The following IQCB1 variants were observed in gnomAD, a reference collection of about 807,000 sequenced individuals.
The protein encoded by IQCB1 is IQ motif containing B1, also known as IQ calmodulin-binding motif-containing protein 1.
A neutral mutation model predicts 84.4 loss-of-function variants in IQCB1; 56 were observed. The ratio of observed to expected loss-of-function variants is 0.66; its 90% CI spans 0.54 to 0.83. The LOEUF (loss-of-function observed/expected upper bound fraction) is 0.83. IQCB1 is among the 40% of genes least tolerant of loss of function. The pLI, the probability that IQCB1 is intolerant of heterozygous loss-of-function variation, is 0.00. For missense variants in IQCB1, 629 were observed against 682.1 expected (o/e 0.92, Z 0.87); for synonymous variants, 210 against 234.8 (o/e 0.89, Z 0.96).
intron 5 of IQCB1, among the ~76,000 whole-genome samples, chr3:121,817,653 T>C (rs776089285): frequency 6.6e-6 from 1 of 152,082 alleles, no homozygotes; most frequent in Middle Eastern, 3.4e-3. Flanking sequence ...ACTGTGTCTA[T>C]TCTTTATATA....
At chr3:121,826,994 T>C (rs1449339706) in intron 4 of IQCB1, among the ~76,000 whole-genome samples, 1 of 152,058 alleles carries the variant, frequency 6.6e-6, no homozygotes, top group Non-Finnish European at 1.5e-5. Flanking sequence ...ATGTTAAAAA[T>C]CTAAGTAATC....
chr3:121,799,382 A>G lies in IQCB1; in HGVS notation c.588-8T>C. 7 of 1,498,572 alleles carry G rather than the reference A, an allele frequency of 4.7e-6. No individual in the cohort carries two copies. The highest frequency in any genetic ancestry group is 6.5e-6 in the Non-Finnish European group (7 of 1,082,082). 92.8% of individuals were successfully genotyped at this position (1,498,572 alleles called of 1,614,324 possible). ...ATTCTGAGTAAATCACCACTAATAGAACAAAATAAAAAAAAAAGTACCATT... is the reference window on the plus strand; with the variant it reads ...ATTCTGAGTAAATCACCACTAATAGGACAAAATAAAAAAAAAAGTACCATT... On this transcript the variant is annotated splice_region_variant and splice_polypyrimidine_tract_variant and intron_variant, in intron 7 of 14. Transcript: ENST00000310864.
intron 5 of IQCB1, among the ~76,000 whole-genome samples, chr3:121,822,197 C>T (rs1950298230): frequency 6.6e-6 from 1 of 152,222 alleles, no homozygotes; most frequent in South Asian, 2.1e-4. Context: ...CTCTAGCTTA[C>T]CAACTGCAAA....
intron 10 of IQCB1, among the ~76,000 whole-genome samples, chr3:121,794,861 AT>A (rs1949117465): frequency 6.6e-6 from 1 of 152,170 alleles, no homozygotes; most frequent in Non-Finnish European, 1.5e-5. Context: ...GTTAGGCTGC[AT>A]GAAAAAGTCA....
At chr3:121,786,215 G>GAGAA (rs59609336) in intron 12 of IQCB1, among the ~76,000 whole-genome samples, 3 of 147,192 alleles carry the variant, frequency 2.0e-5, no homozygotes, top group African/African-American at 5.1e-5. Flanking sequence ...GAAAAGAAAA[G>GAGAA]GATGCTTTAA....
chr3:121,781,463 T>C (rs553965205), intron 13 of IQCB1, among the ~76,000 whole-genome samples: 2 of 152,270 alleles, frequency 1.3e-5, no homozygotes, highest in African/African-American at 2.4e-5. Context: ...TACAGTACTA[T>C]TGCAAAAGAA....
At chr3:121,806,586 C>T (rs1168436350) in intron 7 of IQCB1, among the ~76,000 whole-genome samples, 1 of 152,024 alleles carries the variant, frequency 6.6e-6, no homozygotes. Context: ...CTTTCTCTTT[C>T]TCCTCTTCCT....
intron 2 of IQCB1, among the ~76,000 whole-genome samples, chr3:121,830,052 C>CA (rs900928212): frequency 1.3e-5 from 2 of 151,812 alleles, no homozygotes; most frequent in Non-Finnish European, 2.9e-5. Flanking sequence ...ACTAAGAATA[C>CA]AAAAAATCAG....
intron 5 of IQCB1, among the ~76,000 whole-genome samples, chr3:121,812,089 ATAT>A (rs1949852543): frequency 1.3e-5 from 2 of 152,192 alleles, no homozygotes; most frequent in African/African-American, 4.8e-5. Context: ...GGTGTGAGTA[ATAT>A]TTGCTGTTCT....
At chr3:121,809,311 G>A (rs1407116255) in intron 5 of IQCB1, among the ~76,000 whole-genome samples, 1 of 151,926 alleles carries the variant, frequency 6.6e-6, no homozygotes, top group Non-Finnish European at 1.5e-5. Context: ...ATCACCTGTT[G>A]AGCTTTTTAA....
intron 13 of IQCB1, among the ~76,000 whole-genome samples, chr3:121,777,476 T>C (rs1378181234): frequency 6.6e-6 from 1 of 152,186 alleles, no homozygotes; most frequent in African/African-American, 2.4e-5. Flanking sequence ...GTAGAAAATG[T>C]CCAGTAAAAA....
chr3:121,810,255 T>A (rs1949774343), intron 5 of IQCB1, among the ~76,000 whole-genome samples: 1 of 152,174 alleles, frequency 6.6e-6, no homozygotes, highest in African/African-American at 2.4e-5. Flanking sequence ...AACGTGTATG[T>A]CCCACCATAT....
chr3:121,828,615 G>A lies in IQCB1; in HGVS notation c.118C>T (p.Pro40Ser), dbSNP rs750396752. 39 of 1,598,940 alleles carry A rather than the reference G, an allele frequency of 2.4e-5. No individual in the cohort carries two copies. The highest frequency in any genetic ancestry group is 1.7e-4 in the Admixed American group (10 of 59,902). The change falls in exon 4 of 15, where the codon CCT (proline) becomes TCT (serine). Residue 40 changes from proline to serine, a missense_variant. Physicochemically the swap from Pro to Ser is moderately conservative, Grantham distance 74. Transcript: ENST00000310864. The part of the protein sequence containing the change: ...LKLKEIINIT[P>S]LGSSELKKIK... ...TTCTTCAACTCTGAGCTTCCTAAAG[G>A]TGTGATGTTTATTATTTCTAAGGCA... is the stretch of plus-strand genomic sequence containing the variant.
chr3:121,808,805 A>G lies in IQCB1; in HGVS notation c.487+111T>C, dbSNP rs1314994032. ...GCTTATTTCAACATGGTTTCATTTC[A>G]GTGTGGTTATCTGCACAGTTCATGT... On this transcript the variant is annotated intron_variant, in intron 6 of 14. Transcript: ENST00000310864. 1.4e-5 allele frequency: 9 copies of G among 659,772 alleles called. No homozygotes were observed. The East Asian group carries it at 1.9e-4, about 14-fold the overall frequency. 40.9% of individuals were successfully genotyped at this position (659,772 alleles called of 1,614,324 possible).
At chr3:121,797,033 A>G (rs1228808048) in intron 9 of IQCB1, 85 bp downstream of exon 9, 13 of 796,780 alleles carry the variant, frequency 1.6e-5, no homozygotes, top group Non-Finnish European at 2.7e-5. Flanking sequence ...TCTTAAGAGA[A>G]AGAAAGTGAG....
rs554357567 is a variant in IQCB1, at chr3:121,795,831, C to T, written c.877-265G>A. Among the ~76,000 whole-genome samples, 6 of 152,204 alleles carry T rather than the reference C, an allele frequency of 3.9e-5. No individual in the cohort carries two copies. In the South Asian group the frequency reaches 6.2e-4, roughly 16 times the overall value. ...TTTCCTTTTCAAAGATTTCATAGTC[C>T]GCCTGACCTTTCATAATCTTTTTTG... is the stretch of plus-strand genomic sequence containing the variant. On this transcript the variant is annotated intron_variant, in intron 9 of 14. Coordinates refer to ENST00000310864, the MANE Select transcript of IQCB1 (RefSeq NM_001023570.4).
chr3:121,816,592 A>C (rs1184100151), intron 5 of IQCB1, among the ~76,000 whole-genome samples: 2 of 152,128 alleles, frequency 1.3e-5, no homozygotes, highest in East Asian at 3.9e-4. Flanking sequence ...ACCATCAAAA[A>C]GTGGGTGAAG....
intron 14 of IQCB1, among the ~76,000 whole-genome samples, 188 bp downstream of exon 14, chr3:121,772,369 T>C (rs542299266): frequency 1.3e-5 from 2 of 152,212 alleles, no homozygotes; most frequent in East Asian, 3.9e-4. Context: ...GGGAAACAGG[T>C]AAGAAGGTGG....
chr3:121,830,205 AAAT>A (rs150016803), intron 2 of IQCB1, among the ~76,000 whole-genome samples: 2 of 148,514 alleles, frequency 1.3e-5, no homozygotes, highest in African/African-American at 2.5e-5. Context: ...CTCTGTCTCA[AAAT>A]AATAATAATA....
Sources: allele counts gnomAD v4.1 joint callset (sites outside exome capture counted in the v4.1 genomes callset), GRCh38; gene constraint gnomAD v4.1.1; transcripts MANE v1.5; gene names NCBI Gene and HGNC (gene_info 2026-07-23, HGNC 2026-07-21).